Variants in GRM7 observed in about 807,000 individuals in gnomAD.
The protein encoded by GRM7 is glutamate metabotropic receptor 7.
Under a neutral mutation model 84.5 loss-of-function variants are expected in GRM7, and 35 were observed. That is an observed-to-expected ratio of 0.41 (90% CI 0.32 to 0.55). GRM7 has a LOEUF of 0.55. GRM7 is among the 20% of genes least tolerant of loss of function. The pLI is 0.19. For missense variants in GRM7, 1,003 were observed against 1,194.6 expected, an observed-to-expected ratio of 0.84 and a Z score of 2.36; for synonymous variants, 487 against 455.1, an observed-to-expected ratio of 1.07 and a Z score of -0.89.
intron 8 of GRM7, among the ~76,000 whole-genome samples, chr3:7,624,354 T>G (rs534516086): frequency 6.6e-6 from 1 of 152,208 alleles, no homozygotes. Context: ...TGAAGTAGGA[T>G]TCTACAGAGA....
At chr3:7,235,275 T>C (rs138901799) in intron 2 of GRM7, among the ~76,000 whole-genome samples, 1 of 152,344 alleles carries the variant, frequency 6.6e-6, no homozygotes, top group East Asian at 1.9e-4. Context: ...TGCAATTTTC[T>C]GCTCCTATAA....
chr3:7,287,930 G>A (rs1361623752), intron 2 of GRM7, among the ~76,000 whole-genome samples: 3 of 152,070 alleles, frequency 2.0e-5, no homozygotes, highest in Non-Finnish European at 2.9e-5. Flanking sequence ...AGCATGCAGA[G>A]GTCCCTAATT....
intron 9 of GRM7, among the ~76,000 whole-genome samples, chr3:7,709,129 C>A (rs1263460775): frequency 6.6e-6 from 1 of 152,070 alleles, no homozygotes; most frequent in African/African-American, 2.4e-5. Flanking sequence ...TTGAACCCAT[C>A]TTCAGCAAGC....
At chr3:7,632,941 A>AGTG (rs1219627624) in intron 8 of GRM7, among the ~76,000 whole-genome samples, 3 of 152,272 alleles carry the variant, frequency 2.0e-5, no homozygotes, top group African/African-American at 7.2e-5. Flanking sequence ...GTTGATAGCC[A>AGTG]GTTTTAAAGA....
At chr3:7,412,894 A>G (rs1696002346) in intron 4 of GRM7, among the ~76,000 whole-genome samples, 1 of 152,112 alleles carries the variant, frequency 6.6e-6, no homozygotes, top group African/African-American at 2.4e-5. Flanking sequence ...TAAATACCTG[A>G]CAATTTAACT....
At chr3:7,285,604 T>A (rs575793919) in intron 2 of GRM7, among the ~76,000 whole-genome samples, 1 of 152,236 alleles carries the variant, frequency 6.6e-6, no homozygotes, top group East Asian at 1.9e-4. Context: ...TTACAGTGTA[T>A]GTAGACTCTC....
At chr3:6,943,801 G>A (rs1174955594) in intron 1 of GRM7, among the ~76,000 whole-genome samples, 1 of 151,924 alleles carries the variant, frequency 6.6e-6, no homozygotes, top group East Asian at 1.9e-4. Flanking sequence ...ACAATTCTGA[G>A]CTTACTGATT....
At chr3:7,451,828 C>G (rs1192448972) in intron 5 of GRM7, 2 of 152,234 alleles carry the variant, frequency 1.3e-5, no homozygotes, top group Non-Finnish European at 2.9e-5. Context: ...TGGTAAATAT[C>G]TACTGTGACC....
intron 2 of GRM7, among the ~76,000 whole-genome samples, chr3:7,272,378 G>A (rs1199282255): frequency 1.3e-5 from 2 of 152,176 alleles, no homozygotes; most frequent in East Asian, 3.9e-4. Context: ...TCAGTGCTGA[G>A]TATGTGTCAT....
intron 1 of GRM7, among the ~76,000 whole-genome samples, chr3:7,123,869 C>A (rs960234494): frequency 6.6e-6 from 1 of 152,180 alleles, no homozygotes; most frequent in African/African-American, 2.4e-5. Context: ...TCTGCTGCTT[C>A]TCCGCTCCTG....
chr3:6,898,041 G>T (rs77004006), intron 1 of GRM7, among the ~76,000 whole-genome samples: 1 of 152,112 alleles, frequency 6.6e-6, no homozygotes, highest in Non-Finnish European at 1.5e-5. Context: ...TCTCCCATGG[G>T]TGTTCTCCAT....
chr3:7,691,055 G>C (rs777767863), intron 9 of GRM7: 2 of 427,478 alleles, frequency 4.7e-6, no homozygotes, highest in African/African-American at 4.2e-5. Flanking sequence ...TTTTTTGGCT[G>C]TACAGTGGAA....
At position 7,677,261 on chromosome 3, in the gene GRM7, TTAAAAA is replaced by T. The variant is rs1319099977; in HGVS notation, c.2452-2787_2452-2782del. Among the ~76,000 whole-genome samples, 131 of 103,368 alleles carry T rather than the reference TTAAAAA, an allele frequency of 1.3e-3. 1 individual carries two copies. Among genetic ancestry groups the T allele is most frequent in the African/African-American group, 6.8e-3 (120 of 17,742 alleles). The allele number at this position is 103,368 out of a possible 152,430, so 67.8% of individuals were successfully genotyped here. ...TGGGCAATAGAGGGAGACTCTGTCT[TTAAAAA>T]AAAAAAAAAAAAAAAAAAAAAAAAA... On this transcript the variant is annotated intron_variant, in intron 8 of 9. Transcript: ENST00000357716.
At chr3:7,601,834 G>T (rs1696327183) in intron 8 of GRM7, among the ~76,000 whole-genome samples, 1 of 152,058 alleles carries the variant, frequency 6.6e-6, no homozygotes, top group South Asian at 2.1e-4. Flanking sequence ...TATCCTGTCA[G>T]TTTCCTTGAG....
chr3:7,644,832 A>G (rs1698544675), intron 8 of GRM7, among the ~76,000 whole-genome samples: 1 of 152,166 alleles, frequency 6.6e-6, no homozygotes, highest in South Asian at 2.1e-4. Flanking sequence ...TGGACAGTCT[A>G]TATAAATTCT....
At chr3:7,070,948 T>C (rs998711621) in intron 1 of GRM7, among the ~76,000 whole-genome samples, 1 of 152,146 alleles carries the variant, frequency 6.6e-6, no homozygotes, top group Admixed American at 6.6e-5. Flanking sequence ...TTTAATTTGC[T>C]TTTTAAAATT....
intron 4 of GRM7, among the ~76,000 whole-genome samples, chr3:7,342,074 G>T (rs1307942672): frequency 3.9e-5 from 6 of 152,082 alleles, no homozygotes; most frequent in Non-Finnish European, 7.4e-5. Context: ...TTCCATTCAT[G>T]TGCACCATTC....
intron 1 of GRM7, among the ~76,000 whole-genome samples, chr3:7,056,324 G>A (rs780225524): frequency 7.2e-5 from 11 of 151,992 alleles, no homozygotes; most frequent in Non-Finnish European, 1.2e-4. Context: ...ATGCCTGGGA[G>A]TATCCATGGC....
intron 1 of GRM7, among the ~76,000 whole-genome samples, chr3:6,975,302 T>C (rs1213915827): frequency 6.6e-6 from 1 of 152,186 alleles, no homozygotes; most frequent in African/African-American, 2.4e-5. Context: ...AATCCTTTCT[T>C]GAAAGGTCAC....
Sources: gnomAD v4.1 joint callset for allele counts (sites outside exome capture counted in the v4.1 genomes callset) on GRCh38, gnomAD v4.1.1 for gene constraint, MANE v1.5 for transcripts, NCBI Gene and HGNC (gene_info 2026-07-23, HGNC 2026-07-21) for gene names.